Variants in TMBIM6 observed in about 807,000 individuals in gnomAD.
The protein encoded by TMBIM6 is bax inhibitor 1.
TMBIM6 carries 13 observed loss-of-function variants against 31.4 expected under a neutral mutation model. That is an observed-to-expected ratio of 0.41 (90% CI 0.27 to 0.66). The LOEUF is 0.66. Among genes scored for constraint, TMBIM6 ranks in the 30% least tolerant of loss-of-function variants. TMBIM6 has a pLI of 0.28. For missense variants in TMBIM6, 275 were observed against 289.5 expected (o/e 0.95, Z 0.36); for synonymous variants, 85 against 101.7 (o/e 0.84, Z 0.99).
intron 3 of TMBIM6, among the ~76,000 whole-genome samples, chr12:49,753,294 C>T (rs1945530423): frequency 6.6e-6 from 1 of 152,138 alleles, no homozygotes; most frequent in Admixed American, 6.6e-5. Flanking sequence ...ATGCCTTAAC[C>T]TTGGCACTGA....
At chr12:49,745,418 C>T (rs1011814470) in intron 1 of TMBIM6, among the ~76,000 whole-genome samples, 1 of 152,102 alleles carries the variant, frequency 6.6e-6, no homozygotes, top group Admixed American at 6.5e-5. Context: ...AAAAGTGCTA[C>T]CTGTTTGCTA....
At chr12:49,751,695 G>T (rs1464887330) in intron 1 of TMBIM6, among the ~76,000 whole-genome samples, 1 of 145,284 alleles carries the variant, frequency 6.9e-6, no homozygotes, top group East Asian at 2.0e-4. Flanking sequence ...TATAGTTTTT[G>T]TTTGTTTTGT....
At chr12:49,753,164 C>T (rs1318873918) in intron 3 of TMBIM6, 83 bp downstream of exon 3, 1 of 957,796 alleles carries the variant, frequency 1.0e-6, no homozygotes. Context: ...CCAAGGGACC[C>T]TGTTCCTCTC....
In TMBIM6 at chr12:49,758,410, G is replaced by C. The variant is rs4563; in HGVS notation, c.363G>C (p.Thr121=). ...TCCTTCCCACTGCTTTCATGGGCAC[G>C]GCAATGATCTTTACCTGCTTCACCC... is the stretch of plus-strand genomic sequence containing the variant. ...PSILPTAFMG[T]AMIFTCFTLS... is the part of the protein sequence containing the mutation. Residue 121 remains threonine (T), a synonymous_variant, in exon 6 of 10, where the codon ACG becomes ACC. Coordinates refer to ENST00000267115, the MANE Select transcript of TMBIM6 (RefSeq NM_003217.3). The C allele has an allele frequency of 1.9e-6, 3 of 1,613,942 alleles. No homozygotes were observed. Among genetic ancestry groups the C allele is most frequent in the Non-Finnish European group, 8.5e-7 (1 of 1,180,010 alleles).
intron 3 of TMBIM6, among the ~76,000 whole-genome samples, chr12:49,754,227 T>C (rs561047873): frequency 6.6e-6 from 1 of 152,300 alleles, no homozygotes; most frequent in East Asian, 1.9e-4. Context: ...GCTCAATTGA[T>C]CCTCGCACCT....
intron 1 of TMBIM6, chr12:49,742,263 T>C: frequency 1.2e-6 from 2 of 1,604,356 alleles, no homozygotes; most frequent in South Asian, 1.1e-5. Flanking sequence ...TCTTTTCGGA[T>C]TGGTTACCTT....
chr12:49,747,433 C>T (rs947428293), intron 1 of TMBIM6, among the ~76,000 whole-genome samples: 1 of 151,828 alleles, frequency 6.6e-6, no homozygotes, highest in East Asian at 1.9e-4. Flanking sequence ...CTCAGCCTCC[C>T]AAGTAGTTGG....
intron 3 of TMBIM6, among the ~76,000 whole-genome samples, chr12:49,753,800 T>C (rs1002298443): frequency 2.6e-5 from 4 of 152,202 alleles, no homozygotes; most frequent in Non-Finnish European, 4.4e-5. Flanking sequence ...CGCTTGAGTT[T>C]TAGGCAAGGT....
chr12:49,761,393 C>T (rs185999471), intron 8 of TMBIM6, among the ~76,000 whole-genome samples: 235 of 152,152 alleles, frequency 1.5e-3, no homozygotes, highest in African/African-American at 5.1e-3. Context: ...TTTGTAGAGA[C>T]GGGATTTTGC....
chr12:49,755,994 C>G (rs947697158), intron 4 of TMBIM6, among the ~76,000 whole-genome samples: 1 of 151,680 alleles, frequency 6.6e-6, no homozygotes, highest in African/African-American at 2.4e-5. Context: ...CCACCACACC[C>G]GGCTAATATT....
chr12:49,749,435 A>ATTTTTTTTTTTTTTT lies in TMBIM6; in HGVS notation c.-30-3024_-30-3023insTTTTTTTTTTTTTTT, dbSNP rs372622355. Among the ~76,000 whole-genome samples the ATTTTTTTTTTTTTTT allele has an allele frequency of 1.1e-4, 15 of 136,384 alleles. 2 individuals carry two copies. Among genetic ancestry groups the ATTTTTTTTTTTTTTT allele is most frequent in the African/African-American group, 4.3e-4 (14 of 32,352 alleles). The allele number at this position is 136,384 out of a possible 152,430, so 89.5% of individuals were successfully genotyped here. On this transcript the variant is annotated intron_variant, in intron 1 of 9. Coordinates refer to ENST00000267115, the MANE Select transcript of TMBIM6 (RefSeq NM_003217.3). ...GTAAGTCCTTTTCTTTTTGTAAGTC[A>ATTTTTTTTTTTTTTT]TTTTTGTTTTTTTTTGAAACGGAGT...
At chr12:49,757,202 T>C (rs1260888120) in intron 4 of TMBIM6, among the ~76,000 whole-genome samples, 3 of 152,222 alleles carry the variant, frequency 2.0e-5, no homozygotes, top group African/African-American at 7.2e-5. Context: ...ATAGGTTCAT[T>C]TTGTTTCCCC....
intron 1 of TMBIM6, chr12:49,742,099 C>T (rs1424009685): frequency 1.3e-6 from 2 of 1,597,560 alleles, no homozygotes; most frequent in Non-Finnish European, 1.7e-6. Context: ...GTGAGCGGCC[C>T]GGAGCCAAGA....
At chr12:49,748,702 G>C (rs539019297) in intron 1 of TMBIM6, among the ~76,000 whole-genome samples, 1 of 152,266 alleles carries the variant, frequency 6.6e-6, no homozygotes, top group East Asian at 1.9e-4. Context: ...AGTATAGGCA[G>C]ATTTTCCACA....
At chr12:49,755,930 T>C (rs1222888338) in intron 4 of TMBIM6, among the ~76,000 whole-genome samples, 175 bp downstream of exon 4, 1 of 149,606 alleles carries the variant, frequency 6.7e-6, no homozygotes, top group Admixed American at 6.7e-5. Flanking sequence ...GCCTCCCAGG[T>C]TCACACCATT....
chr12:49,742,397 A>G, intron 1 of TMBIM6: 1 of 1,349,092 alleles, frequency 7.4e-7, no homozygotes, highest in Non-Finnish European at 9.9e-7. Context: ...ACCTGTGGTA[A>G]CAAGTAGGCT....
chr12:49,742,095 G>A, intron 1 of TMBIM6: 1 of 1,594,052 alleles, frequency 6.3e-7, no homozygotes, highest in Non-Finnish European at 8.5e-7. Context: ...CTGGGTGAGC[G>A]GCCCGGAGCC....
chr12:49,752,942 C>T (rs1489395104), intron 2 of TMBIM6, 31 bp from the exon 3 acceptor site: 3 of 1,583,622 alleles, frequency 1.9e-6, no homozygotes, highest in Non-Finnish European at 2.6e-6. Flanking sequence ...TGATCTGGGA[C>T]TGATTGCTCT....
At chr12:49,751,979 T>C (rs890961541) in intron 1 of TMBIM6, among the ~76,000 whole-genome samples, 1 of 152,064 alleles carries the variant, frequency 6.6e-6, no homozygotes, top group Non-Finnish European at 1.5e-5. Flanking sequence ...GCCAGGCTGG[T>C]CTCGAACTCC....
Sources: gnomAD v4.1 joint callset for allele counts (sites outside exome capture counted in the v4.1 genomes callset) on GRCh38, gnomAD v4.1.1 for gene constraint, MANE v1.5 for transcripts, NCBI Gene and HGNC (gene_info 2026-07-23, HGNC 2026-07-21) for gene names.